ZNF682: variants seen among roughly 807,000 people sequenced by gnomAD.
ZNF682 encodes zinc finger protein 682.
Under a neutral mutation model 36.5 loss-of-function variants are expected in ZNF682, and 29 were observed. That is an observed-to-expected ratio of 0.80 (90% confidence interval 0.59 to 1.08). The LOEUF (loss-of-function observed/expected upper bound fraction) is 1.08. Among genes scored for constraint, ZNF682 ranks in the 50% least tolerant of loss-of-function variants. The pLI, the probability that ZNF682 is intolerant of heterozygous loss-of-function variation, is 0.00. For missense variants in ZNF682, 561 were observed against 579.7 expected (o/e 0.97, Z 0.33); for synonymous variants, 180 against 197.0 (o/e 0.91, Z 0.72).
At chr19:20,029,851 T>C (rs1242123963) in intron 1 of ZNF682, among the ~76,000 whole-genome samples, 2 of 152,110 alleles carry the variant, frequency 1.3e-5, no homozygotes, top group Admixed American at 6.6e-5. Flanking sequence ...CCAAAAATAT[T>C]TAGTTATTTG....
At chr19:19,998,330 T>C (rs1254430126) in intron 3 of ZNF682, among the ~76,000 whole-genome samples, 4 of 152,100 alleles carry the variant, frequency 2.6e-5, no homozygotes, top group Non-Finnish European at 5.9e-5. Flanking sequence ...AAAGAATGTG[T>C]CAGAAGAAGC....
At chr19:20,015,355 C>G in intron 3 of ZNF682, 1 of 985,038 alleles carries the variant, frequency 1.0e-6, no homozygotes. Context: ...TTCAGTCAAA[C>G]ACAGAGATAA....
In ZNF682 at chr19:20,030,511, G is replaced by T. The variant is rs569850428; in HGVS notation, c.4-6135C>A. ...CACTAGAACCCGGTAGGCGAAGGTT[G>T]CAGTGAGCCAAGATTGCACCACTGC... On this transcript the variant is annotated intron_variant, in intron 1 of 3. Coordinates refer to ENST00000397165, the MANE Select transcript of ZNF682 (RefSeq NM_033196.3). Among the ~76,000 whole-genome samples the T allele has an allele frequency of 1.4e-4, 21 of 152,284 alleles. No individual in the cohort carries two copies. The South Asian group carries it at 4.1e-3, about 30-fold the overall frequency.
chr19:20,039,494 C>G lies in ZNF682; in HGVS notation c.-149G>C. 9.1e-7 allele frequency: 1 copy of G among 1,096,514 alleles called. No homozygotes were observed. Among genetic ancestry groups the G allele is most frequent in the Non-Finnish European group, 1.3e-6 (1 of 780,652 alleles). 67.9% of individuals were successfully genotyped at this position (1,096,514 alleles called of 1,614,324 possible). A position where few individuals can be genotyped will look rare whatever the true frequency, so the allele number is the denominator to read the frequency against. ...GATGGACCCTGAGCTCTGGCTGGAG[C>G]GAGACAAAGGCCCCGCCAGCTCCAG... On this transcript the variant is annotated 5_prime_UTR_variant, in exon 1 of 4. Coordinates refer to ENST00000397165, the MANE Select transcript of ZNF682 (RefSeq NM_033196.3).
intron 3 of ZNF682, among the ~76,000 whole-genome samples, chr19:20,009,632 G>A (rs2088264470): frequency 6.6e-6 from 1 of 152,034 alleles, no homozygotes; most frequent in Admixed American, 6.6e-5. Flanking sequence ...TAGAGAAAAG[G>A]GCCATATTAC....
intron 3 of ZNF682, among the ~76,000 whole-genome samples, chr19:19,998,218 T>C (rs1227034675): frequency 6.6e-6 from 1 of 152,152 alleles, no homozygotes; most frequent in Non-Finnish European, 1.5e-5. Flanking sequence ...AAGTAGAATG[T>C]TGACAGAAGA....
intron 3 of ZNF682, among the ~76,000 whole-genome samples, chr19:20,020,090 T>A: frequency 6.6e-6 from 1 of 151,970 alleles, no homozygotes; most frequent in Non-Finnish European, 1.5e-5. Context: ...ATAAAAACAT[T>A]TTTAAAAAGA....
chr19:20,001,035 G>C (rs796760070), downstream of ZNF682, among the ~76,000 whole-genome samples: 1 of 152,190 alleles, frequency 6.6e-6, no homozygotes, highest in African/African-American at 2.4e-5. Flanking sequence ...CTCTGTCCTA[G>C]GGCCTTCCCA....
downstream of ZNF682, chr19:19,997,033 G>C (rs917201224): frequency 3.6e-5 from 14 of 387,856 alleles, no homozygotes; most frequent in African/African-American, 2.3e-4. Flanking sequence ...AGCGAGGATA[G>C]AGAAGAGGCA....
chr19:20,029,771 A>G (rs1032524357), intron 1 of ZNF682, among the ~76,000 whole-genome samples: 3 of 152,080 alleles, frequency 2.0e-5, no homozygotes, highest in Non-Finnish European at 4.4e-5. Context: ...GATATGCAGG[A>G]ATAGAAAATG....
At chr19:20,013,158 G>C (rs867619872) in intron 3 of ZNF682, among the ~76,000 whole-genome samples, 7 of 151,852 alleles carry the variant, frequency 4.6e-5, no homozygotes, top group African/African-American at 1.5e-4. Flanking sequence ...GAAGAAACTA[G>C]GTCAAAATTA....
chr19:20,036,080 A>G (rs2335892), intron 1 of ZNF682, among the ~76,000 whole-genome samples: 119,381 of 152,086 alleles, frequency 0.78, 47,003 homozygotes, highest in Middle Eastern at 0.87. Flanking sequence ...TGTCTACACA[A>G]GAGTACATAT....
chr19:19,999,914 G>T (rs1464026581), downstream of ZNF682, among the ~76,000 whole-genome samples: 2 of 152,206 alleles, frequency 1.3e-5, no homozygotes, highest in Non-Finnish European at 2.9e-5. Flanking sequence ...AATCCCCACT[G>T]TGTATGGTAG....
downstream of ZNF682, chr19:19,996,983 G>GACAC (rs1275826585): frequency 2.8e-6 from 1 of 361,666 alleles, no homozygotes; most frequent in African/African-American, 2.1e-5. Context: ...AGCACACACA[G>GACAC]ACACACACAC....
intron 2 of ZNF682, among the ~76,000 whole-genome samples, chr19:20,023,747 CAAG>C (rs2088407784): frequency 6.6e-6 from 1 of 151,508 alleles, no homozygotes; most frequent in Non-Finnish European, 1.5e-5. Context: ...TTCGGGAGGC[CAAG>C]GAGGGTGGAT....
chr19:20,039,078 G>T, intron 1 of ZNF682: 2 of 1,290,136 alleles, frequency 1.6e-6, no homozygotes, highest in Non-Finnish European at 2.0e-6. Context: ...CGGGGCAGAC[G>T]CAAGAACGCG....
intron 2 of ZNF682, among the ~76,000 whole-genome samples, chr19:20,023,483 C>T (rs570247940): frequency 7.3e-5 from 11 of 151,328 alleles, no homozygotes; most frequent in East Asian, 5.9e-4. Flanking sequence ...GGCAACAGAG[C>T]GAGACTCCAT....
chr19:20,011,333 C>A (rs1197998253), intron 3 of ZNF682, among the ~76,000 whole-genome samples: 2 of 152,158 alleles, frequency 1.3e-5, no homozygotes, highest in Non-Finnish European at 2.9e-5. Flanking sequence ...GCAATTATTA[C>A]TGGACCTAAA....
intron 3 of ZNF682, among the ~76,000 whole-genome samples, chr19:19,999,058 A>T (rs911676940): frequency 6.6e-5 from 10 of 152,090 alleles, no homozygotes; most frequent in African/African-American, 2.4e-4. Context: ...AAGATACCCC[A>T]GGGGGCTCTC....
Sources: allele counts gnomAD v4.1 joint callset (sites outside exome capture counted in the v4.1 genomes callset), GRCh38; gene constraint gnomAD v4.1.1; transcripts MANE v1.5; gene names NCBI Gene and HGNC (gene_info 2026-07-23, HGNC 2026-07-21).